Variants in FHOD3 observed in about 807,000 individuals in gnomAD.
FHOD3 encodes the protein formin homology 2 domain containing 3, also known as FH1/FH2 domain-containing protein 3.
In FHOD3, 90 loss-of-function variants were observed where a neutral mutation model predicts 173.0. That is an observed-to-expected ratio of 0.52 (90% CI 0.44 to 0.62). The LOEUF (loss-of-function observed/expected upper bound fraction) is 0.62. Ranked by LOEUF, FHOD3 falls within the 20% of genes least tolerant of loss-of-function variation. The probability of loss-of-function intolerance (pLI) is 0.00; values close to 1 mark genes in which losing one functional copy is unlikely to be tolerated. For missense variants in FHOD3, 1,945 were observed against 2,034.7 expected, an observed-to-expected ratio of 0.96 and a Z score of 0.85; for synonymous variants, 828 against 823.0, an observed-to-expected ratio of 1.01 and a Z score of -0.10.
At chr18:36,383,501 G>T (rs1305533014) in intron 3 of FHOD3, among the ~76,000 whole-genome samples, 1 of 152,192 alleles carries the variant, frequency 6.6e-6, no homozygotes, top group Non-Finnish European at 1.5e-5. Flanking sequence ...TTGGGAGCTT[G>T]CCCAGGGACA....
At chr18:36,612,122 A>T (rs1308388209) in intron 9 of FHOD3, 27 bp downstream of exon 9, 1 of 1,607,058 alleles carries the variant, frequency 6.2e-7, no homozygotes, top group South Asian at 1.1e-5. Context: ...TTTGTAAGGT[A>T]TCGTACAGCT....
rs565560270 is a variant in FHOD3 at position 36,446,614 on chromosome 18, C to A, written c.338-55318C>A. Among the ~76,000 whole-genome samples, 4 of 152,212 alleles carry A rather than the reference C, an allele frequency of 2.6e-5. No homozygotes were observed. In the East Asian group the frequency reaches 7.7e-4, roughly 29 times the overall value. ...GAGAGAATTGCGGGAGGAGCTGCAG[C>A]TGGGGAGGTCATGGAATCACATCCT... is the stretch of plus-strand genomic sequence containing the variant. On this transcript the variant is annotated intron_variant, in intron 3 of 28. Coordinates refer to ENST00000590592, the MANE Select transcript of FHOD3 (RefSeq NM_001281740.3).
At chr18:36,457,455 G>A (rs118068707) in intron 3 of FHOD3, among the ~76,000 whole-genome samples, 3,332 of 152,136 alleles carry the variant, frequency 0.022, 47 homozygotes, top group Non-Finnish European at 0.034. Context: ...ACAAGCTTCC[G>A]TACAGAACAT....
At chr18:36,513,295 A>G (rs189397815) in intron 5 of FHOD3, among the ~76,000 whole-genome samples, 1 of 152,258 alleles carries the variant, frequency 6.6e-6, no homozygotes, top group East Asian at 1.9e-4. Context: ...AAGAAATTTT[A>G]TATCGTCCAA....
chr18:36,777,198 CTTTTTTT>C (rs11294880), intron 28 of FHOD3, among the ~76,000 whole-genome samples: 28 of 108,836 alleles, frequency 2.6e-4, no homozygotes, highest in South Asian at 5.9e-4. Flanking sequence ...TCTTCTTTTT[CTTTTTTT>C]TTTTTTTTTT....
At chr18:36,306,562 A>T (rs2092104200) in intron 1 of FHOD3, among the ~76,000 whole-genome samples, 1 of 152,230 alleles carries the variant, frequency 6.6e-6, no homozygotes, top group African/African-American at 2.4e-5. Context: ...ACATTTAAAA[A>T]ATAAGAGTCA....
At chr18:36,520,198 G>A (rs1226391300) in intron 5 of FHOD3, among the ~76,000 whole-genome samples, 2 of 151,982 alleles carry the variant, frequency 1.3e-5, no homozygotes, top group African/African-American at 2.4e-5. Context: ...GTCTCAAGAG[G>A]TTCTCCTGCC....
intron 5 of FHOD3, among the ~76,000 whole-genome samples, chr18:36,547,760 C>G (rs1164126339): frequency 1.3e-5 from 2 of 152,222 alleles, no homozygotes; most frequent in Non-Finnish European, 2.9e-5. Flanking sequence ...CTTCACACCC[C>G]ACAGCCACCT....
chr18:36,539,964 GTGGGCTCTC>G (rs1333364383), intron 5 of FHOD3, among the ~76,000 whole-genome samples: 4 of 152,338 alleles, frequency 2.6e-5, no homozygotes, highest in African/African-American at 9.6e-5. Context: ...GAAGAATTAA[GTGGGCTCTC>G]TGCTGCCTCT....
chr18:36,378,264 A>G (rs1568192825), intron 3 of FHOD3, among the ~76,000 whole-genome samples: 2 of 152,294 alleles, frequency 1.3e-5, no homozygotes, highest in Middle Eastern at 3.4e-3. Context: ...CTTTAAAAAT[A>G]AAAATAAAAA....
intron 1 of FHOD3, among the ~76,000 whole-genome samples, chr18:36,343,809 C>T (rs2045749073): frequency 6.6e-6 from 1 of 152,176 alleles, no homozygotes; most frequent in African/African-American, 2.4e-5. Flanking sequence ...TTTATAACAA[C>T]ACAAAACAGA....
chr18:36,744,260 C>T (rs2042044559), intron 23 of FHOD3, 67 bp downstream of exon 23: 1 of 1,530,896 alleles, frequency 6.5e-7, no homozygotes, highest in Non-Finnish European at 8.9e-7. Flanking sequence ...ATCGGTCATC[C>T]TCGAGGAACA....
chr18:36,648,386 G>T (rs371340199), intron 10 of FHOD3, among the ~76,000 whole-genome samples: 2 of 152,144 alleles, frequency 1.3e-5, no homozygotes, highest in Non-Finnish European at 2.9e-5. Context: ...CACATAAGTC[G>T]GTTGTTGACA....
rs2040036812 is a variant in FHOD3, at chr18:36,709,191, C to G, written c.2333C>G (p.Ser778Cys). The G allele has an allele frequency of 6.2e-7, 1 of 1,614,072 alleles. No homozygotes were observed. The highest frequency in any genetic ancestry group is 1.3e-5 in the African/African-American group (1 of 74,932). ...GATGAAGCTGGCCAGGACATAGCCT[C>G]TGCCCACGAGGGTGCAGAGACTGAA... The part of the protein sequence containing the change: ...VADEAGQDIA[S>C]AHEGAETEVE... Residue 778 changes from serine (S) to cysteine (C), a missense_variant, in exon 18 of 29, where the codon TCT (serine) becomes TGT (cysteine). By Grantham distance (112) the Ser-to-Cys change is moderately radical. This residue lies in a region of FHOD3 where 1,099 missense variants were observed against 1,051.2 expected (regional missense o/e 1.05). Coordinates refer to ENST00000590592, the MANE Select transcript of FHOD3 (RefSeq NM_001281740.3).
chr18:36,517,015 C>G (rs1246837189), intron 5 of FHOD3, among the ~76,000 whole-genome samples: 1 of 151,872 alleles, frequency 6.6e-6, no homozygotes, highest in Non-Finnish European at 1.5e-5. Context: ...GCCCAGGAAT[C>G]CGCTGCTTTC....
intron 1 of FHOD3, among the ~76,000 whole-genome samples, chr18:36,329,373 C>T (rs539377283): frequency 2.0e-5 from 3 of 152,324 alleles, no homozygotes; most frequent in Admixed American, 6.5e-5. Flanking sequence ...GCTCTTGCTG[C>T]CTGTCCTGGT....
At chr18:36,368,669 A>G (rs1004558349) in intron 2 of FHOD3, among the ~76,000 whole-genome samples, 6 of 152,140 alleles carry the variant, frequency 3.9e-5, no homozygotes, top group African/African-American at 1.4e-4. Context: ...GGTAATTTAT[A>G]AAGGAAAGAG....
In FHOD3 at chr18:36,630,251, T is replaced by G. The variant is rs563546130; in HGVS notation, c.1196+4502T>G. 1.3e-4 allele frequency among the ~76,000 whole-genome samples: 20 copies of G among 152,276 alleles called. No individual in the cohort carries two copies. In the South Asian group the frequency reaches 4.1e-3, roughly 32 times the overall value. ...AGATCTATAGAATATATTTCTAGTT[T>G]AAAAAAATCCATTGGCATTTTACAA... On this transcript the variant is annotated intron_variant, in intron 10 of 28. Coordinates refer to ENST00000590592, the MANE Select transcript of FHOD3 (RefSeq NM_001281740.3).
At chr18:36,533,864 G>T (rs955866574) in intron 5 of FHOD3, among the ~76,000 whole-genome samples, 1 of 152,198 alleles carries the variant, frequency 6.6e-6, no homozygotes, top group Non-Finnish European at 1.5e-5. Context: ...AAATGCCTTT[G>T]TGTTTTTGAG....
Sources: gnomAD v4.1 joint callset for allele counts (sites outside exome capture counted in the v4.1 genomes callset) on GRCh38, gnomAD v4.1.1 for gene constraint, gnomAD v4.1.1 regional missense constraint, MANE v1.5 for transcripts, NCBI Gene and HGNC (gene_info 2026-07-23, HGNC 2026-07-21) for gene names.